The following MUSK variants were observed in gnomAD, a reference collection of about 807,000 sequenced individuals.
MUSK encodes the protein muscle, skeletal receptor tyrosine-protein kinase.
A neutral mutation model predicts 88.7 loss-of-function variants in MUSK; 55 were observed. The observed-to-expected ratio is 0.62, with a 90% CI of 0.50 to 0.78. The LOEUF (loss-of-function observed/expected upper bound fraction) is 0.78, where lower values mean the gene tolerates loss of function less well. Ranked by LOEUF, MUSK falls within the 30% of genes least tolerant of loss-of-function variation. The probability of loss-of-function intolerance (pLI) is 0.00; values close to 1 mark genes in which losing one functional copy is unlikely to be tolerated. For missense variants in MUSK, 1,015 were observed against 1,074.3 expected (o/e 0.94, Z 0.77); for synonymous variants, 387 against 391.9 (o/e 0.99, Z 0.15).
rs1460894620 is a variant in MUSK at position 110,668,865 on chromosome 9, G to T, written c.-40G>T. On this transcript the variant is annotated 5_prime_UTR_variant, in exon 1 of 15. Transcript: ENST00000374448. ...ACTGTGGAGCCATTTTCCTTGCGTT[G>T]TCCAGAAGGAACTTCGTCCTGCGTG... is the stretch of plus-strand genomic sequence containing the variant. 2.6e-6 allele frequency: 4 copies of T among 1,529,830 alleles called. No individual in the cohort carries two copies. The South Asian group carries it at 3.4e-5, about 13-fold the overall frequency. The allele number at this position is 1,529,830 out of a possible 1,614,324, so 94.8% of individuals were successfully genotyped here.
At chr9:110,740,541 T>C (rs774620621) in intron 6 of MUSK, among the ~76,000 whole-genome samples, 4 of 152,140 alleles carry the variant, frequency 2.6e-5, no homozygotes, top group Non-Finnish European at 5.9e-5. Flanking sequence ...TTTCTTCCTC[T>C]AAATTAAATA....
chr9:110,770,410 A>G (rs1003757107), intron 9 of MUSK, among the ~76,000 whole-genome samples: 3 of 146,604 alleles, frequency 2.0e-5, no homozygotes, highest in Non-Finnish European at 4.5e-5. Context: ...ATATTATAGT[A>G]TATAACTTAT....
At chr9:110,747,877 G>A (rs2077195911) in intron 7 of MUSK, 77 bp downstream of exon 7, 1 of 1,526,544 alleles carries the variant, frequency 6.6e-7, no homozygotes. Flanking sequence ...GAGCATTGGA[G>A]AAAATCTCCC....
intron 7 of MUSK, among the ~76,000 whole-genome samples, chr9:110,749,222 G>A (rs926482809): frequency 6.6e-6 from 1 of 152,172 alleles, no homozygotes; most frequent in African/African-American, 2.4e-5. Context: ...GCCTTCCAGG[G>A]ACTCTGCATC....
At chr9:110,717,707 T>G (rs1038578724) in intron 5 of MUSK, among the ~76,000 whole-genome samples, 4 of 148,532 alleles carry the variant, frequency 2.7e-5, no homozygotes, top group Non-Finnish European at 5.9e-5. Context: ...CCCTGATCAT[T>G]CAGGTGAACA....
At chr9:110,789,922 C>T (rs1407434300) in intron 14 of MUSK, among the ~76,000 whole-genome samples, 1 of 152,158 alleles carries the variant, frequency 6.6e-6, no homozygotes, top group Non-Finnish European at 1.5e-5. Context: ...TATTGCAGTA[C>T]ACAGAGTATT....
intron 5 of MUSK, among the ~76,000 whole-genome samples, chr9:110,700,799 C>A (rs936951157): frequency 3.3e-5 from 5 of 152,076 alleles, no homozygotes; most frequent in Non-Finnish European, 7.4e-5. Context: ...CAGAGGGTGA[C>A]CACATGTTCT....
At chr9:110,752,473 C>T (rs946695189) in intron 7 of MUSK, among the ~76,000 whole-genome samples, 1 of 152,238 alleles carries the variant, frequency 6.6e-6, no homozygotes, top group Non-Finnish European at 1.5e-5. Context: ...TGAGGCTGGC[C>T]AGAAGTCCAG....
Position 110,744,492 on chromosome 9 carries a change from A to T in MUSK, c.754-3149A>T, listed in dbSNP as rs958425559. ...TCCACAGGTCTATAACTGCTCAATC[A>T]CCTTCAAAGAGTTTTTACACACATT... On this transcript the variant is annotated intron_variant, in intron 6 of 14. Transcript: ENST00000374448. Among the ~76,000 whole-genome samples, 5 of 152,186 alleles carry T rather than the reference A, an allele frequency of 3.3e-5. No individual in the cohort carries two copies. In the South Asian group the frequency reaches 1.0e-3, roughly 32 times the overall value.
chr9:110,788,641 A>G (rs2077916075), intron 14 of MUSK, among the ~76,000 whole-genome samples: 1 of 151,778 alleles, frequency 6.6e-6, no homozygotes, highest in Admixed American at 6.6e-5. Context: ...TTAAAAAAGG[A>G]AGAAAAAAAA....
intron 5 of MUSK, among the ~76,000 whole-genome samples, chr9:110,708,745 AG>A (rs1483611867): frequency 6.6e-6 from 1 of 152,186 alleles, no homozygotes; most frequent in Non-Finnish European, 1.5e-5. Context: ...TCTAAGAAAA[AG>A]TCACTTGTAT....
chr9:110,708,701 T>C lies in MUSK; in HGVS notation c.628+11235T>C, dbSNP rs568257772. Among the ~76,000 whole-genome samples the C allele has an allele frequency of 4.6e-5, 7 of 152,296 alleles. No individual in the cohort carries two copies. In the South Asian group the frequency reaches 1.5e-3, roughly 32 times the overall value. ...AGGCTTTCAGAGAAGAATGGTAAAGTGGTCCTTTAGTTGAACAGTTGTCAC... is the reference window on the plus strand; with the variant it reads ...AGGCTTTCAGAGAAGAATGGTAAAGCGGTCCTTTAGTTGAACAGTTGTCAC... On this transcript the variant is annotated intron_variant, in intron 5 of 14. Transcript: ENST00000374448.
chr9:110,671,819 A>G (rs1169813420), intron 1 of MUSK, among the ~76,000 whole-genome samples: 1 of 152,226 alleles, frequency 6.6e-6, no homozygotes, highest in Admixed American at 6.5e-5. Context: ...TAGATTCTGC[A>G]GGAGCATAAG....
rs1308977913 is a variant in MUSK, at chr9:110,768,075, C to T, written c.1176C>T (p.Pro392=). The T allele has an allele frequency of 6.3e-7, 1 of 1,591,570 alleles. No individual in the cohort carries two copies. Among genetic ancestry groups the T allele is most frequent in the African/African-American group, 1.3e-5 (1 of 74,116 alleles). Residue 392 remains proline (P), a synonymous_variant, in exon 9 of 15, where the codon CCC becomes CCT. Coordinates refer to ENST00000374448, the MANE Select transcript of MUSK (RefSeq NM_005592.4). ...CTGGAGTAGTGCCTACTCCTATTCC[C>T]ATTTGCAGGTAAAATCTCAAAAATA... is the stretch of plus-strand genomic sequence containing the variant. The part of the protein sequence containing the change: ...CSPGVVPTPI[P]ICREYCLAVK...
At chr9:110,744,341 C>G (rs1311034182) in intron 6 of MUSK, among the ~76,000 whole-genome samples, 1 of 152,118 alleles carries the variant, frequency 6.6e-6, no homozygotes, top group African/African-American at 2.4e-5. Flanking sequence ...GCCATTGAGG[C>G]CAGAATACCT....
intron 11 of MUSK, among the ~76,000 whole-genome samples, chr9:110,779,717 A>G (rs1300465899): frequency 1.3e-5 from 2 of 152,164 alleles, no homozygotes; most frequent in Admixed American, 6.5e-5. Context: ...TAGCCCTTCT[A>G]TACACATATG....
At chr9:110,786,382 T>C (rs781054345) in intron 13 of MUSK, among the ~76,000 whole-genome samples, 11 of 151,662 alleles carry the variant, frequency 7.3e-5, no homozygotes, top group Non-Finnish European at 1.6e-4. Flanking sequence ...TATTGCATAA[T>C]ACACTTCAAA....
chr9:110,673,804 G>A (rs1362572960), intron 1 of MUSK, among the ~76,000 whole-genome samples: 1 of 152,170 alleles, frequency 6.6e-6, no homozygotes, highest in Non-Finnish European at 1.5e-5. Context: ...TGGTATTTAA[G>A]ATTGATTTTG....
intron 5 of MUSK, among the ~76,000 whole-genome samples, chr9:110,727,133 T>C (rs1050479184): frequency 1.3e-5 from 2 of 152,104 alleles, no homozygotes; most frequent in Non-Finnish European, 2.9e-5. Context: ...GTTTTTGAAC[T>C]TGATGCTTAT....
Sources: gnomAD v4.1 joint callset for allele counts (sites outside exome capture counted in the v4.1 genomes callset) on GRCh38, gnomAD v4.1.1 for gene constraint, MANE v1.5 for transcripts, NCBI Gene and HGNC (gene_info 2026-07-23, HGNC 2026-07-21) for gene names.